GPHN: variants seen among roughly 807,000 people sequenced by gnomAD.
The protein encoded by GPHN is gephyrin.
GPHN carries 17 observed loss-of-function variants against 95.5 expected under a neutral mutation model. That is an observed-to-expected ratio of 0.18 (90% CI 0.12 to 0.27). The LOEUF is 0.27. Among genes scored for constraint, GPHN ranks in the 10% least tolerant of loss-of-function variants. GPHN has a pLI of 1.00. For missense variants in GPHN, 660 were observed against 978.1 expected, an observed-to-expected ratio of 0.67 and a Z score of 4.34; for synonymous variants, 320 against 322.5, an observed-to-expected ratio of 0.99 and a Z score of 0.08.
At chr14:66,756,597 A>G (rs1258138837) in intron 2 of GPHN, among the ~76,000 whole-genome samples, 19 of 152,158 alleles carry the variant, frequency 1.2e-4, no homozygotes, top group Admixed American at 1.2e-3. Context: ...TGCTCCAAGA[A>G]CACATAAGTT....
the GPHN span, among the ~76,000 whole-genome samples, chr14:67,458,358 T>A: frequency 6.6e-6 from 1 of 152,060 alleles, no homozygotes; most frequent in South Asian, 2.1e-4. Flanking sequence ...AACTCTCTGG[T>A]TCGTTCAACA....
chr14:66,688,035 G>C (rs1358472068), intron 2 of GPHN, among the ~76,000 whole-genome samples: 1 of 152,076 alleles, frequency 6.6e-6, no homozygotes, highest in African/African-American at 2.4e-5. Context: ...ATAAGCTACT[G>C]TTGACTGGAA....
intron 1 of GPHN, among the ~76,000 whole-genome samples, chr14:66,635,611 G>A (rs1222098863): frequency 6.6e-6 from 1 of 152,100 alleles, no homozygotes; most frequent in African/African-American, 2.4e-5. Context: ...GACAGACTCA[G>A]TAAGGAAATG....
the GPHN span, among the ~76,000 whole-genome samples, chr14:67,330,979 A>C: frequency 6.6e-6 from 1 of 152,080 alleles, no homozygotes; most frequent in Non-Finnish European, 1.5e-5. Context: ...TGTATTCCAC[A>C]GTTTTTGGTG....
chr14:66,911,923 A>G (rs1214936760), intron 5 of GPHN, among the ~76,000 whole-genome samples: 1 of 151,876 alleles, frequency 6.6e-6, no homozygotes, highest in Non-Finnish European at 1.5e-5. Context: ...CTTTGCAACC[A>G]CCCTAATTCA....
the GPHN span, among the ~76,000 whole-genome samples, chr14:67,297,774 T>C: frequency 2.6e-5 from 4 of 152,346 alleles, no homozygotes; most frequent in African/African-American, 7.2e-5. Flanking sequence ...CTTCCTTTCA[T>C]TGAATTCATT....
chr14:67,177,863 G>T (rs1242553707), intron 21 of GPHN, among the ~76,000 whole-genome samples: 2 of 151,528 alleles, frequency 1.3e-5, no homozygotes, highest in Non-Finnish European at 3.0e-5. Context: ...GATCCTTGTT[G>T]GTTATCAGAG....
At chr14:66,941,255 A>AT (rs904877825) in intron 8 of GPHN, among the ~76,000 whole-genome samples, 4 of 126,796 alleles carry the variant, frequency 3.2e-5, no homozygotes, top group East Asian at 2.5e-4. Context: ...CCTTATTTTC[A>AT]TTAAAAAAAA....
chr14:66,825,790 A>T (rs2061366951), intron 4 of GPHN, among the ~76,000 whole-genome samples: 1 of 152,206 alleles, frequency 6.6e-6, no homozygotes, highest in Non-Finnish European at 1.5e-5. Context: ...TGAGAGGTTA[A>T]CTTCAACTGC....
chr14:67,415,037 G>A, the GPHN span, among the ~76,000 whole-genome samples: 2 of 152,314 alleles, frequency 1.3e-5, no homozygotes, highest in East Asian at 1.9e-4. Context: ...TGCAGTGAGA[G>A]GGGGGCTGCA....
At chr14:67,512,862 C>T in the GPHN span, among the ~76,000 whole-genome samples, 44 of 152,292 alleles carry the variant, frequency 2.9e-4, no homozygotes, top group South Asian at 7.5e-3. Flanking sequence ...AGTGCTGCAG[C>T]GAGAGCTTTT....
the GPHN span, among the ~76,000 whole-genome samples, chr14:67,681,715 G>C: frequency 6.6e-6 from 1 of 152,156 alleles, no homozygotes; most frequent in African/African-American, 2.4e-5. Flanking sequence ...CCAGGAGGCG[G>C]AGGTTGCAGT....
chr14:67,673,075 CT>C, the GPHN span, among the ~76,000 whole-genome samples: 1 of 152,232 alleles, frequency 6.6e-6, no homozygotes, highest in African/African-American at 2.4e-5. Context: ...TCAGAGAGGA[CT>C]TTCACAACCG....
At chr14:67,311,106 G>A in the GPHN span, among the ~76,000 whole-genome samples, 42 of 152,136 alleles carry the variant, frequency 2.8e-4, no homozygotes, top group Non-Finnish European at 3.4e-4. Flanking sequence ...GAGGTCAGGA[G>A]TTCAAGACCA....
chr14:66,730,448 G>A (rs1462176850), intron 2 of GPHN, among the ~76,000 whole-genome samples: 1 of 152,138 alleles, frequency 6.6e-6, no homozygotes, highest in African/African-American at 2.4e-5. Flanking sequence ...GGAAAATCCA[G>A]TATCTTTATT....
At chr14:66,798,361 A>G (rs760394692) in intron 3 of GPHN, among the ~76,000 whole-genome samples, 4 of 151,840 alleles carry the variant, frequency 2.6e-5, no homozygotes, top group Admixed American at 1.3e-4. Flanking sequence ...TCCCTCGTCT[A>G]TTTTTCAGAA....
At chr14:67,044,426 G>T (rs556360407) in intron 10 of GPHN, among the ~76,000 whole-genome samples, 9 of 152,210 alleles carry the variant, frequency 5.9e-5, no homozygotes, top group African/African-American at 2.2e-4. Flanking sequence ...GTTTTGTTTT[G>T]TTGGTATTTT....
chr14:66,994,333 T>C (rs1302100320), intron 9 of GPHN, among the ~76,000 whole-genome samples: 1 of 151,796 alleles, frequency 6.6e-6, no homozygotes, highest in Non-Finnish European at 1.5e-5. Context: ...GCCATTGCAC[T>C]CCAGCCTGGG....
the GPHN span, chr14:67,662,605 C>A: frequency 7.2e-7 from 1 of 1,397,910 alleles, no homozygotes; most frequent in African/African-American, 1.4e-5. Context: ...ATTCCCTCTG[C>A]TTCGAATAAG....
Sources: allele counts gnomAD v4.1 joint callset (sites outside exome capture counted in the v4.1 genomes callset), GRCh38; gene constraint gnomAD v4.1.1; transcripts MANE v1.5; gene names NCBI Gene and HGNC (gene_info 2026-07-23, HGNC 2026-07-21).